AK5: variants seen among roughly 807,000 people sequenced by gnomAD.
AK5 encodes the protein adenylate kinase 5.
A neutral mutation model predicts 69.5 loss-of-function variants in AK5; 27 were observed. That is an observed-to-expected ratio of 0.39 (90% CI 0.29 to 0.54). AK5 has a LOEUF of 0.54. Ranked by LOEUF, AK5 falls within the 20% of genes least tolerant of loss-of-function variation. AK5 has a pLI of 0.71. For synonymous variants in AK5, 260 were observed against 244.4 expected (o/e 1.06, Z -0.60); for missense variants, 531 against 700.4 (o/e 0.76, Z 2.73).
chr1:77,444,214 C>A (rs1652528346), intron 8 of AK5, among the ~76,000 whole-genome samples: 1 of 105,120 alleles, frequency 9.5e-6, no homozygotes, highest in Non-Finnish European at 1.9e-5. Flanking sequence ...TATATATATA[C>A]CACTTATGTA....
intron 8 of AK5, among the ~76,000 whole-genome samples, chr1:77,481,911 A>C (rs1016894729): frequency 6.6e-6 from 1 of 152,230 alleles, no homozygotes; most frequent in Non-Finnish European, 1.5e-5. Context: ...TAAAGGACTA[A>C]TTAAACAACA....
At chr1:77,401,572 G>A (rs1055547279) in intron 6 of AK5, among the ~76,000 whole-genome samples, 11 of 152,258 alleles carry the variant, frequency 7.2e-5, no homozygotes, top group African/African-American at 2.4e-4. Context: ...AAGCAGAATC[G>A]CAGAGGAAAG....
chr1:77,485,063 G>C (rs1655500014), intron 9 of AK5, among the ~76,000 whole-genome samples: 2 of 152,174 alleles, frequency 1.3e-5, no homozygotes, highest in Non-Finnish European at 2.9e-5. Flanking sequence ...AAACTCACAG[G>C]CTAGAGAACC....
intron 6 of AK5, among the ~76,000 whole-genome samples, chr1:77,391,830 G>A (rs112039684): frequency 7.9e-5 from 12 of 152,112 alleles, no homozygotes; most frequent in African/African-American, 2.9e-4. Flanking sequence ...TAACTTCTTC[G>A]TTACACCAAA....
At chr1:77,477,348 T>A (rs1655009440) in intron 8 of AK5, among the ~76,000 whole-genome samples, 1 of 152,146 alleles carries the variant, frequency 6.6e-6, no homozygotes, top group African/African-American at 2.4e-5. Flanking sequence ...TTTTAAATTA[T>A]TATTCCATCC....
At chr1:77,399,146 A>G (rs189764192) in intron 6 of AK5, among the ~76,000 whole-genome samples, 3 of 152,316 alleles carry the variant, frequency 2.0e-5, no homozygotes, top group Admixed American at 6.5e-5. Context: ...GTGTTCTGTC[A>G]TAGTACCCAA....
intron 5 of AK5, 95 bp from the exon 6 acceptor site, chr1:77,340,282 C>A: frequency 8.1e-7 from 1 of 1,238,038 alleles, no homozygotes; most frequent in Non-Finnish European, 1.1e-6. Context: ...AAATATATGG[C>A]AGCCTCCACA....
intron 13 of AK5, among the ~76,000 whole-genome samples, chr1:77,546,803 C>T (rs1659566002): frequency 6.6e-6 from 1 of 152,178 alleles, no homozygotes; most frequent in Admixed American, 6.5e-5. Context: ...ACAGAATGCT[C>T]CAGGCCTTTG....
chr1:77,429,500 T>G (rs1338672396), intron 8 of AK5, among the ~76,000 whole-genome samples: 1 of 152,194 alleles, frequency 6.6e-6, no homozygotes, highest in Admixed American at 6.5e-5. Context: ...GTGCTGGGGA[T>G]ACATTGGTGG....
chr1:77,465,893 C>G (rs1654110310), intron 8 of AK5, among the ~76,000 whole-genome samples: 1 of 152,176 alleles, frequency 6.6e-6, no homozygotes, highest in South Asian at 2.1e-4. Flanking sequence ...AGTAGCCACC[C>G]TCTGGAGTGA....
intron 11 of AK5, among the ~76,000 whole-genome samples, chr1:77,519,507 T>G (rs1314921211): frequency 6.6e-6 from 1 of 152,218 alleles, no homozygotes; most frequent in African/African-American, 2.4e-5. Flanking sequence ...GAGAGGGTTC[T>G]TGGATCTTGT....
At chr1:77,453,193 G>A (rs990280007) in intron 8 of AK5, among the ~76,000 whole-genome samples, 3 of 152,206 alleles carry the variant, frequency 2.0e-5, no homozygotes, top group African/African-American at 7.2e-5. Context: ...TCTGCTGCAT[G>A]TGTAGGTATA....
At chr1:77,478,927 G>GTTTTT in intron 8 of AK5, among the ~76,000 whole-genome samples, 1 of 144,280 alleles carries the variant, frequency 6.9e-6, no homozygotes, top group Non-Finnish European at 1.5e-5. Flanking sequence ...TGCAAAAGTA[G>GTTTTT]TTTTTTTTTT....
Position 77,519,484 on chromosome 1 carries a change from A to G in AK5, c.1311+757A>G, listed in dbSNP as rs141912611. ...CAGCTGTTACCAGAAAGGGGTCCCA[A>G]TCCAGACCCCAAGAGAGGGTTCTTG... On this transcript the variant is annotated intron_variant, in intron 11 of 13. Coordinates refer to ENST00000354567, the MANE Select transcript of AK5 (RefSeq NM_174858.3). 3.7e-3 allele frequency among the ~76,000 whole-genome samples: 562 copies of G among 152,312 alleles called. 2 individuals carry two copies. The highest frequency in any genetic ancestry group is 0.013 in the African/African-American group (549 of 41,572).
At chr1:77,441,740 T>C (rs977763474) in intron 8 of AK5, among the ~76,000 whole-genome samples, 7 of 152,208 alleles carry the variant, frequency 4.6e-5, no homozygotes, top group African/African-American at 1.4e-4. Flanking sequence ...ATGTCAGGTC[T>C]GACACAGCCT....
At position 77,483,343 on chromosome 1, in the gene AK5, A is replaced by G. The variant is rs1328062706; in HGVS notation, c.1086A>G (p.Gly362=). The G allele has an allele frequency of 1.2e-6, 2 of 1,612,566 alleles. No homozygotes were observed. Among genetic ancestry groups the G allele is most frequent in the Non-Finnish European group, 1.7e-6 (2 of 1,178,720 alleles). The stretch of plus-strand genomic sequence containing the variant: ...GTGATGACCAGTTAAATGTATTTGG[A>G]GAGGACACTATGGGAGGTGAGTTTT... ...DQGDDQLNVF[G]EDTMGGFMED... is the part of the protein sequence containing the mutation. Residue 362 remains glycine, a synonymous_variant, in exon 9 of 14, where the codon GGA becomes GGG. Transcript: ENST00000354567.
intron 9 of AK5, among the ~76,000 whole-genome samples, chr1:77,484,039 C>A (rs1570236386): frequency 1.3e-5 from 2 of 152,062 alleles, no homozygotes; most frequent in East Asian, 3.9e-4. Flanking sequence ...GTGGTGCACA[C>A]CTGTAATCCC....
At chr1:77,544,883 G>A (rs1051952665) in intron 13 of AK5, among the ~76,000 whole-genome samples, 6 of 152,122 alleles carry the variant, frequency 3.9e-5, no homozygotes, top group Admixed American at 6.6e-5. Context: ...CAAGCATTGC[G>A]TACTTTACGT....
At chr1:77,332,068 A>G in intron 5 of AK5, among the ~76,000 whole-genome samples, 1 of 152,152 alleles carries the variant, frequency 6.6e-6, no homozygotes, top group Non-Finnish European at 1.5e-5. Flanking sequence ...CCTCTTGAGT[A>G]GGTAGGACTA....
Sources: allele counts gnomAD v4.1 joint callset (sites outside exome capture counted in the v4.1 genomes callset), GRCh38; gene constraint gnomAD v4.1.1; transcripts MANE v1.5; gene names NCBI Gene and HGNC (gene_info 2026-07-23, HGNC 2026-07-21).